TTC34: variants seen among roughly 807,000 people sequenced by gnomAD.
The protein encoded by TTC34 is tetratricopeptide repeat domain 34.
A neutral mutation model predicts 40.7 loss-of-function variants in TTC34; 44 were observed. That is an observed-to-expected ratio of 1.08 (90% CI 0.85 to 1.39). The LOEUF (loss-of-function observed/expected upper bound fraction) is 1.39, where lower values mean the gene tolerates loss of function less well. TTC34 is among the 40% of genes most tolerant of loss of function. The pLI is 0.00. For synonymous variants in TTC34, 422 were observed against 398.6 expected, an observed-to-expected ratio of 1.06 and a Z score of -0.70; for missense variants, 884 against 838.0, an observed-to-expected ratio of 1.05 and a Z score of -0.68.
chr1:2,649,155 G>A (rs1372066018), intron 6 of TTC34, among the ~76,000 whole-genome samples: 3 of 150,324 alleles, frequency 2.0e-5, no homozygotes, highest in South Asian at 2.1e-4. Flanking sequence ...AGCCTGGAAC[G>A]GTATCCACAC....
chr1:2,791,839 CACACGAG>C (rs1182095553), intron 2 of TTC34, among the ~76,000 whole-genome samples: 2 of 151,920 alleles, frequency 1.3e-5, no homozygotes, highest in African/African-American at 2.4e-5. Flanking sequence ...TCCAGTTACA[CACACGAG>C]ACTTTGATAT....
chr1:2,686,778 T>TGAC (rs58971877), intron 6 of TTC34, among the ~76,000 whole-genome samples: 11,767 of 45,618 alleles, frequency 0.26, 1,228 homozygotes, highest in South Asian at 0.33. Flanking sequence ...GGTGAGCATG[T>TGAC]GACAGCCTGG....
At chr1:2,771,323 T>A (rs1299066734) in intron 6 of TTC34, among the ~76,000 whole-genome samples, 1 of 41,492 alleles carries the variant, frequency 2.4e-5, no homozygotes, top group Non-Finnish European at 3.9e-5. Flanking sequence ...CATCCTCACC[T>A]CCAGGTGAGC....
chr1:2,780,967 T>A (rs1643473725), intron 6 of TTC34, among the ~76,000 whole-genome samples: 1 of 152,232 alleles, frequency 6.6e-6, no homozygotes, highest in Non-Finnish European at 1.5e-5. Flanking sequence ...TGTACAAATC[T>A]TTCACCTCTT....
intron 6 of TTC34, among the ~76,000 whole-genome samples, chr1:2,685,193 C>A (rs1416753263): frequency 7.0e-6 from 1 of 142,610 alleles, no homozygotes; most frequent in South Asian, 2.2e-4. Flanking sequence ...GGAACAGCAC[C>A]CACACCCCCA....
At chr1:2,639,641 G>C (rs1225280953) in exon 9 of TTC34, 2 of 152,460 alleles carry the variant, frequency 1.3e-5, no homozygotes, top group Admixed American at 1.3e-4. Context: ...GGTGGATGGG[G>C]AGCTGGCAGG....
intron 6 of TTC34, among the ~76,000 whole-genome samples, chr1:2,758,226 C>T (rs1233193288): frequency 9.2e-6 from 1 of 108,972 alleles, no homozygotes; most frequent in Non-Finnish European, 1.9e-5. Context: ...CCTGGAACAG[C>T]ACACACACCC....
chr1:2,797,996 G>C (rs1030204434), intron 2 of TTC34, among the ~76,000 whole-genome samples: 18 of 151,816 alleles, frequency 1.2e-4, no homozygotes, highest in Non-Finnish European at 2.1e-4. Context: ...CATTGTCCCA[G>C]CCTCCCAGTC....
rs141994131 is a variant in TTC34, at chr1:2,783,146, G to A, written c.2226+463C>T. Among the ~76,000 whole-genome samples, 490 of 152,290 alleles carry A rather than the reference G, an allele frequency of 3.2e-3. 5 individuals carry two copies. Among genetic ancestry groups the A allele is most frequent in the African/African-American group, 0.011 (467 of 41,554 alleles). On this transcript the variant is annotated intron_variant, in intron 6 of 8. Coordinates refer to ENST00000401095, the Ensembl canonical transcript of TTC34. Reference sequence around the variant, plus strand: ...GTAAATGAAGCTCAGATCAGGGTCCGGGGGCTGCATCCCTGCACCTGTCTG... The same window carrying A: ...GTAAATGAAGCTCAGATCAGGGTCCAGGGGCTGCATCCCTGCACCTGTCTG...
chr1:2,687,625 T>C (rs1430867970), intron 6 of TTC34, among the ~76,000 whole-genome samples: 60 of 109,346 alleles, frequency 5.5e-4, no homozygotes, highest in East Asian at 1.5e-3. Flanking sequence ...GAGCAGCTGA[T>C]ATCCTGGAAC....
intron 6 of TTC34, among the ~76,000 whole-genome samples, chr1:2,683,425 C>CACCCCCAGGTGAGCATCCGACAG (rs1640170031): frequency 4.4e-5 from 5 of 112,748 alleles, no homozygotes; most frequent in Admixed American, 8.6e-5. Context: ...TGGAACACCA[C>CACCCCCAGGTGAGCATCCGACAG]CCTTCACCCC....
chr1:2,764,464 C>T (rs1324293498), intron 6 of TTC34, among the ~76,000 whole-genome samples: 3 of 147,968 alleles, frequency 2.0e-5, no homozygotes, highest in Admixed American at 2.0e-4. Context: ...GCCCACAGCC[C>T]CAGGTGAGCA....
At chr1:2,752,195 G>C (rs1308693911) in intron 6 of TTC34, among the ~76,000 whole-genome samples, 7 of 118,626 alleles carry the variant, frequency 5.9e-5, no homozygotes, top group African/African-American at 1.9e-4. Flanking sequence ...TGACAGCCTG[G>C]AACAGAACCC....
At chr1:2,794,488 T>A (rs1174950546) in intron 2 of TTC34, among the ~76,000 whole-genome samples, 1 of 152,268 alleles carries the variant, frequency 6.6e-6, no homozygotes, top group African/African-American at 2.4e-5. Flanking sequence ...CTACAATGTC[T>A]AATACCTTTT....
intron 6 of TTC34, among the ~76,000 whole-genome samples, chr1:2,749,106 GGA>G (rs1641236289): frequency 6.7e-6 from 1 of 148,966 alleles, no homozygotes; most frequent in African/African-American, 2.5e-5. Flanking sequence ...CCGACAGCCT[GGA>G]GCAGCACCCA....
In TTC34 at chr1:2,755,903, C is replaced by T. The variant is rs1255745225; in HGVS notation, c.2226+27706G>A. On this transcript the variant is annotated intron_variant, in intron 6 of 8. Transcript: ENST00000401095. ...CTGACATCCTTGAGCAGCACCCACA[C>T]CCCCAGGTGAGCATCTGACAGCCTG... is the stretch of plus-strand genomic sequence containing the variant. Among the ~76,000 whole-genome samples the T allele has an allele frequency of 8.8e-5, 7 of 79,724 alleles. 1 individual carries two copies. Among genetic ancestry groups the T allele is most frequent in the Non-Finnish European group, 2.2e-5 (1 of 45,412 alleles). 52.3% of individuals were successfully genotyped at this position (79,724 alleles called of 152,430 possible). A position where few individuals can be genotyped will look rare whatever the true frequency, so the allele number is the denominator to read the frequency against.
intron 6 of TTC34, among the ~76,000 whole-genome samples, chr1:2,692,542 C>A (rs1339455520): frequency 9.3e-6 from 1 of 107,236 alleles, no homozygotes; most frequent in African/African-American, 3.9e-5. Context: ...TCAGCACCCA[C>A]ACCCCCAGGC....
chr1:2,684,471 C>A (rs1225523921), intron 6 of TTC34, among the ~76,000 whole-genome samples: 54 of 148,916 alleles, frequency 3.6e-4, no homozygotes, highest in South Asian at 8.4e-4. Flanking sequence ...GCAACAGCAC[C>A]CACACACCCA....
At chr1:2,767,761 C>G (rs968858520) in intron 6 of TTC34, among the ~76,000 whole-genome samples, 1 of 148,608 alleles carries the variant, frequency 6.7e-6, no homozygotes, top group Non-Finnish European at 1.5e-5. Context: ...AAGCAGCACC[C>G]TGCACCCCCA....
Sources: gnomAD v4.1 joint callset for allele counts (sites outside exome capture counted in the v4.1 genomes callset) on GRCh38, gnomAD v4.1.1 for gene constraint, MANE v1.5 for transcripts, NCBI Gene and HGNC (gene_info 2026-07-23, HGNC 2026-07-21) for gene names.